Variants in MYO3B observed in about 807,000 individuals in gnomAD.
The protein encoded by MYO3B is myosin-IIIb.
Under a neutral mutation model 174.6 loss-of-function variants are expected in MYO3B, and 156 were observed. The observed-to-expected ratio is 0.89, with a 90% CI of 0.78 to 1.02. The LOEUF (loss-of-function observed/expected upper bound fraction) is 1.02. Ranked by LOEUF, MYO3B falls within the 50% of genes least tolerant of loss-of-function variation. The probability of loss-of-function intolerance (pLI) is 0.00; values close to 1 mark genes in which losing one functional copy is unlikely to be tolerated. For synonymous variants in MYO3B, 563 were observed against 569.1 expected, an observed-to-expected ratio of 0.99 and a Z score of 0.15; for missense variants, 1,632 against 1,639.4, an observed-to-expected ratio of 1.00 and a Z score of 0.08.
chr2:170,441,831 G>A (rs1032128185), intron 22 of MYO3B, among the ~76,000 whole-genome samples: 6 of 152,140 alleles, frequency 3.9e-5, no homozygotes, highest in East Asian at 1.9e-4. Context: ...TCTTGGTTTC[G>A]GTGAGATTTG....
chr2:170,574,952 C>G, intron 32 of MYO3B, among the ~76,000 whole-genome samples: 1 of 152,140 alleles, frequency 6.6e-6, no homozygotes, highest in East Asian at 1.9e-4. Flanking sequence ...TCCCCACTCC[C>G]TTTAATAATA....
chr2:170,252,241 C>A (rs2093261281), intron 7 of MYO3B, among the ~76,000 whole-genome samples: 1 of 152,160 alleles, frequency 6.6e-6, no homozygotes, highest in African/African-American at 2.4e-5. Context: ...AAGGAAAAAA[C>A]CCAACTGTTA....
chr2:170,639,039 C>G (rs939469359), intron 32 of MYO3B, among the ~76,000 whole-genome samples: 1 of 152,168 alleles, frequency 6.6e-6, no homozygotes, highest in African/African-American at 2.4e-5. Flanking sequence ...GCCCCAGGGT[C>G]CCCTGCTGCA....
intron 7 of MYO3B, among the ~76,000 whole-genome samples, chr2:170,282,709 A>G (rs1011022606): frequency 6.6e-6 from 1 of 152,162 alleles, no homozygotes; most frequent in Non-Finnish European, 1.5e-5. Flanking sequence ...GATCATTTAA[A>G]CAATATTAAT....
intron 32 of MYO3B, among the ~76,000 whole-genome samples, chr2:170,643,421 G>C (rs1024949679): frequency 2.0e-5 from 3 of 152,142 alleles, no homozygotes; most frequent in Admixed American, 2.0e-4. Context: ...CTAGCTGACA[G>C]CTGGGTTATT....
intron 7 of MYO3B, among the ~76,000 whole-genome samples, chr2:170,321,173 G>A (rs937345103): frequency 1.3e-5 from 2 of 152,098 alleles, no homozygotes; most frequent in Non-Finnish European, 2.9e-5. Context: ...GGGATTAGAG[G>A]CAAATTCATA....
chr2:170,224,753 C>T (rs2092934077), intron 6 of MYO3B, among the ~76,000 whole-genome samples: 1 of 152,166 alleles, frequency 6.6e-6, no homozygotes, highest in South Asian at 2.1e-4. Context: ...TCCATCTGCT[C>T]ATTGTTGCAA....
chr2:170,562,669 A>G (rs536222228), intron 32 of MYO3B, among the ~76,000 whole-genome samples: 1 of 152,232 alleles, frequency 6.6e-6, no homozygotes, highest in African/African-American at 2.4e-5. Flanking sequence ...GAGGCTGTGC[A>G]TTGACAGATA....
At chr2:170,597,230 G>A (rs573377954) in intron 32 of MYO3B, among the ~76,000 whole-genome samples, 7 of 152,070 alleles carry the variant, frequency 4.6e-5, no homozygotes, top group East Asian at 3.9e-4. Context: ...AAAATTAGCC[G>A]GGCATGGTGG....
intron 7 of MYO3B, among the ~76,000 whole-genome samples, chr2:170,284,520 A>G (rs1234111825): frequency 6.6e-6 from 1 of 152,176 alleles, no homozygotes; most frequent in Non-Finnish European, 1.5e-5. Context: ...TAAGACCTAC[A>G]AAGCATTTTG....
At chr2:170,510,079 T>G (rs1186715847) in intron 28 of MYO3B, among the ~76,000 whole-genome samples, 1 of 152,106 alleles carries the variant, frequency 6.6e-6, no homozygotes, top group Non-Finnish European at 1.5e-5. Flanking sequence ...TTGTGACAGT[T>G]GAGATGTACA....
At position 170,582,407 on chromosome 2, in the gene MYO3B, C is replaced by T. The variant is rs180856521; in HGVS notation, c.3733+38419C>T. The stretch of plus-strand genomic sequence containing the variant: ...CAGCACTGTTTGCAGGGAAGATGAC[C>T]TCACTGCCCTCCTCTTCAGTTCTGG... On this transcript the variant is annotated intron_variant, in intron 32 of 34. Coordinates refer to ENST00000408978, the MANE Select transcript of MYO3B (RefSeq NM_138995.5). Among the ~76,000 whole-genome samples, 61 of 152,250 alleles carry T rather than the reference C, an allele frequency of 4.0e-4. 1 individual carries two copies. The highest frequency in any genetic ancestry group is 1.4e-3 in the African/African-American group (57 of 41,530).
intron 8 of MYO3B, among the ~76,000 whole-genome samples, chr2:170,365,432 A>G (rs892602022): frequency 2.0e-5 from 3 of 152,178 alleles, no homozygotes; most frequent in Non-Finnish European, 4.4e-5. Flanking sequence ...GAAAAGGGTC[A>G]TAGCTTTTAA....
At chr2:170,296,970 A>G (rs1460915008) in intron 7 of MYO3B, among the ~76,000 whole-genome samples, 1 of 152,068 alleles carries the variant, frequency 6.6e-6, no homozygotes, top group Non-Finnish European at 1.5e-5. Flanking sequence ...GACAAACCGC[A>G]CCCATGATCC....
At chr2:170,244,248 G>T (rs958595589) in intron 7 of MYO3B, among the ~76,000 whole-genome samples, 1 of 152,054 alleles carries the variant, frequency 6.6e-6, no homozygotes, top group Admixed American at 6.5e-5. Flanking sequence ...AAATTTTTTT[G>T]TCTGCAGATA....
chr2:170,272,009 T>TA (rs1471154415), intron 7 of MYO3B, among the ~76,000 whole-genome samples: 1 of 152,094 alleles, frequency 6.6e-6, no homozygotes, highest in Non-Finnish European at 1.5e-5. Flanking sequence ...GAGGGACTGT[T>TA]ATATTTCTAC....
chr2:170,218,214 C>T (rs1488847395), intron 6 of MYO3B, among the ~76,000 whole-genome samples: 1 of 152,100 alleles, frequency 6.6e-6, no homozygotes, highest in Non-Finnish European at 1.5e-5. Flanking sequence ...CTTCAGTGAC[C>T]TCCCCCGCCT....
chr2:170,533,657 A>G (rs1689500490), intron 30 of MYO3B, among the ~76,000 whole-genome samples: 1 of 152,214 alleles, frequency 6.6e-6, no homozygotes, highest in Admixed American at 6.5e-5. Context: ...ATACCTCATC[A>G]TTACTATTCT....
chr2:170,495,251 A>C (rs1166268166), intron 25 of MYO3B, among the ~76,000 whole-genome samples: 2 of 152,188 alleles, frequency 1.3e-5, no homozygotes, highest in African/African-American at 2.4e-5. Context: ...GGTTCCTTTC[A>C]GCTTAGCCTT....
Sources: gnomAD v4.1 joint callset for allele counts (sites outside exome capture counted in the v4.1 genomes callset) on GRCh38, gnomAD v4.1.1 for gene constraint, MANE v1.5 for transcripts, NCBI Gene and HGNC (gene_info 2026-07-23, HGNC 2026-07-21) for gene names.